Variants in INPP4B observed in about 807,000 individuals in gnomAD.
The protein encoded by INPP4B is inositol polyphosphate-4-phosphatase type II B.
A neutral mutation model predicts 122.5 loss-of-function variants in INPP4B; 55 were observed. The observed-to-expected ratio is 0.45, with a 90% CI of 0.36 to 0.56. The LOEUF (loss-of-function observed/expected upper bound fraction) is 0.56, where lower values mean the gene tolerates loss of function less well. Among genes scored for constraint, INPP4B ranks in the 20% least tolerant of loss-of-function variants. INPP4B has a pLI of 0.00. For synonymous variants in INPP4B, 403 were observed against 388.7 expected, an observed-to-expected ratio of 1.04 and a Z score of -0.43; for missense variants, 1,000 against 1,097.7, an observed-to-expected ratio of 0.91 and a Z score of 1.26.
chr4:142,477,497 T>G (rs1284490971), intron 2 of INPP4B, among the ~76,000 whole-genome samples: 1 of 151,720 alleles, frequency 6.6e-6, no homozygotes, highest in Admixed American at 6.6e-5. Context: ...AGAAGTTGCT[T>G]TTTGAAAAAT....
At chr4:142,264,406 A>T (rs1235377029) in intron 10 of INPP4B, among the ~76,000 whole-genome samples, 1 of 152,218 alleles carries the variant, frequency 6.6e-6, no homozygotes. Flanking sequence ...AATGTTTTGG[A>T]TACATAATGC....
chr4:142,431,834 A>AT (rs1450488551), intron 3 of INPP4B, among the ~76,000 whole-genome samples: 1 of 152,104 alleles, frequency 6.6e-6, no homozygotes, highest in Non-Finnish European at 1.5e-5. Context: ...TACTGACCAC[A>AT]TAAAAAATAA....
chr4:142,245,835 CATATATATGTGTATGT>C lies in INPP4B; in HGVS notation c.689-7840_689-7825del, dbSNP rs1727870321. Among the ~76,000 whole-genome samples, 2 of 101,096 alleles carry C rather than the reference CATATATATGTGTATGT, an allele frequency of 2.0e-5. 1 individual carries two copies. Among genetic ancestry groups the C allele is most frequent in the Admixed American group, 2.3e-4 (2 of 8,872 alleles). 66.3% of individuals were successfully genotyped at this position (101,096 alleles called of 152,430 possible). A position where few individuals can be genotyped will look rare whatever the true frequency, so the allele number is the denominator to read the frequency against. On this transcript the variant is annotated intron_variant, in intron 11 of 25. Transcript: ENST00000262992. ...ATGTATACATATATGTGTATGTATA[CATATATATGTGTATGT>C]ATACATATATGTGTATGTATACATA...
In INPP4B at chr4:142,123,361, G is replaced by A. The variant is rs1364386679; in HGVS notation, c.1948C>T (p.Pro650Ser). Residue 650 changes from proline to serine, a missense_variant, in exon 20 of 26, where the codon CCA (proline) becomes TCA (serine). Physicochemically the swap from Pro to Ser is moderately conservative, Grantham distance 74 (BLOSUM62 -1). Coordinates refer to ENST00000262992, the MANE Select transcript of INPP4B (RefSeq NM_001101669.3). Reference sequence around the variant, plus strand: ...GTGTGAAGCTGCTGTAGGAAGCCTGGGTCATACAGACTTGTCTGTAATTTG... The same window carrying A: ...GTGTGAAGCTGCTGTAGGAAGCCTGAGTCATACAGACTTGTCTGTAATTTG... The part of the protein sequence containing the change: ...IIKLQTSLYD[P>S]GFLQQLHTVG... 6.2e-7 allele frequency: 1 copy of A among 1,611,916 alleles called. No homozygotes were observed. Among genetic ancestry groups the A allele is most frequent in the South Asian group, 1.1e-5 (1 of 91,012 alleles).
At chr4:142,354,269 C>T (rs1230108389) in intron 7 of INPP4B, among the ~76,000 whole-genome samples, 1 of 151,946 alleles carries the variant, frequency 6.6e-6, no homozygotes, top group Non-Finnish European at 1.5e-5. Flanking sequence ...ACTCTTACAC[C>T]TAAAAATTCA....
intron 11 of INPP4B, among the ~76,000 whole-genome samples, chr4:142,245,797 CAT>C (rs199799546): frequency 0.013 from 1,655 of 130,580 alleles, 153 homozygotes; most frequent in African/African-American, 0.051. Flanking sequence ...TGTATGTATA[CAT>C]ATATATGTGT....
intron 2 of INPP4B, among the ~76,000 whole-genome samples, chr4:142,521,266 TA>T (rs1826032899): frequency 1.3e-5 from 2 of 152,012 alleles, no homozygotes; most frequent in African/African-American, 4.8e-5. Context: ...AAGACAAAAA[TA>T]AAAGGATTCC....
intron 3 of INPP4B, among the ~76,000 whole-genome samples, chr4:142,451,879 T>C (rs1397273289): frequency 6.6e-6 from 1 of 152,144 alleles, no homozygotes; most frequent in East Asian, 1.9e-4. Flanking sequence ...ATAAGAGTAA[T>C]GTATATGAAG....
At chr4:142,726,416 G>C (rs560668776) in intron 1 of INPP4B, among the ~76,000 whole-genome samples, 1 of 152,300 alleles carries the variant, frequency 6.6e-6, no homozygotes, top group East Asian at 1.9e-4. Flanking sequence ...AATAACTGCA[G>C]ATTACCTTCC....
intron 23 of INPP4B, among the ~76,000 whole-genome samples, chr4:142,097,347 C>T (rs1392464079): frequency 6.6e-6 from 1 of 151,648 alleles, no homozygotes; most frequent in East Asian, 1.9e-4. Context: ...CTCCCACTTA[C>T]TGGTTCAAGC....
At chr4:142,661,425 T>G (rs1242204800) in intron 2 of INPP4B, among the ~76,000 whole-genome samples, 1 of 152,146 alleles carries the variant, frequency 6.6e-6, no homozygotes, top group East Asian at 1.9e-4. Context: ...ATAAACAATT[T>G]TAGTCATATA....
intron 3 of INPP4B, among the ~76,000 whole-genome samples, chr4:142,449,410 A>C (rs1580092721): frequency 6.6e-6 from 1 of 152,280 alleles, no homozygotes; most frequent in African/African-American, 2.4e-5. Context: ...CCACATTAGA[A>C]TGTACATTTT....
chr4:142,361,538 T>C (rs921202687), intron 7 of INPP4B, among the ~76,000 whole-genome samples: 9 of 152,122 alleles, frequency 5.9e-5, no homozygotes, highest in African/African-American at 1.9e-4. Context: ...TAAGTGAATA[T>C]ATATGCTAAG....
chr4:142,765,326 G>A (rs1450566012), intron 1 of INPP4B, among the ~76,000 whole-genome samples: 1 of 152,130 alleles, frequency 6.6e-6, no homozygotes, highest in Non-Finnish European at 1.5e-5. Flanking sequence ...GGCTGGATGT[G>A]TAATTCTGCA....
At chr4:142,374,560 A>T (rs1791135253) in intron 7 of INPP4B, among the ~76,000 whole-genome samples, 1 of 151,888 alleles carries the variant, frequency 6.6e-6, no homozygotes, top group Non-Finnish European at 1.5e-5. Flanking sequence ...TCATTATTCT[A>T]CATGAGTTTT....
intron 2 of INPP4B, among the ~76,000 whole-genome samples, chr4:142,483,247 G>A (rs542908609): frequency 1.2e-4 from 15 of 127,166 alleles, no homozygotes; most frequent in East Asian, 2.4e-4. Flanking sequence ...TCACAATGGC[G>A]TTAGTTAGAT....
chr4:142,504,262 TA>T (rs1823734395), intron 2 of INPP4B, among the ~76,000 whole-genome samples: 1 of 152,060 alleles, frequency 6.6e-6, no homozygotes, highest in East Asian at 1.9e-4. Flanking sequence ...AAAAGATGCT[TA>T]AATTTACCAA....
At chr4:142,321,566 T>G (rs1168538279) in intron 7 of INPP4B, among the ~76,000 whole-genome samples, 1 of 152,204 alleles carries the variant, frequency 6.6e-6, no homozygotes, top group Non-Finnish European at 1.5e-5. Flanking sequence ...TTTCAGGTCT[T>G]AGATTTAAGT....
intron 1 of INPP4B, among the ~76,000 whole-genome samples, chr4:142,794,691 T>C (rs901853935): frequency 6.6e-6 from 1 of 151,856 alleles, no homozygotes; most frequent in African/African-American, 2.4e-5. Flanking sequence ...TGGGAGATAA[T>C]ATTTGTAATA....
Sources: gnomAD v4.1 joint callset for allele counts (sites outside exome capture counted in the v4.1 genomes callset) on GRCh38, gnomAD v4.1.1 for gene constraint, MANE v1.5 for transcripts, NCBI Gene and HGNC (gene_info 2026-07-23, HGNC 2026-07-21) for gene names.